The following BABAM2 variants were observed in gnomAD, a reference collection of about 807,000 sequenced individuals.
BABAM2 encodes the protein BRISC and BRCA1 A complex member 2, also known as BRISC and BRCA1-A complex member 2.
BABAM2 carries 31 observed loss-of-function variants against 54.7 expected under a neutral mutation model. The ratio of observed to expected loss-of-function variants is 0.57; its 90% CI spans 0.43 to 0.77. The LOEUF (loss-of-function observed/expected upper bound fraction) is 0.77. BABAM2 is among the 30% of genes least tolerant of loss of function. The pLI is 0.00. For synonymous variants in BABAM2, 167 were observed against 162.9 expected, an observed-to-expected ratio of 1.03 and a Z score of -0.19; for missense variants, 364 against 455.8, an observed-to-expected ratio of 0.80 and a Z score of 1.83.
chr2:28,067,212 G>A lies in BABAM2; in HGVS notation c.570+21413G>A, dbSNP rs529692370. ...CTCCCACAGTGCTGGGATTACAGGC[G>A]TGAGCCACTGCGCGTGGCCCTTGTG... On this transcript the variant is annotated intron_variant, in intron 6 of 11. Transcript: ENST00000379624. 5.1e-4 allele frequency among the ~76,000 whole-genome samples: 77 copies of A among 152,334 alleles called. No homozygotes were observed. In the South Asian group the frequency reaches 8.9e-3, roughly 18 times the overall value.
intron 11 of BABAM2, among the ~76,000 whole-genome samples, chr2:28,327,843 GCAAGCTTAGACCC>G (rs1690609695): frequency 6.6e-6 from 1 of 152,158 alleles, no homozygotes. Flanking sequence ...TCCTTGTTTT[GCAAGCTTAGACCC>G]CCTGAAAACA....
At chr2:27,923,660 A>T (rs1667485723) in intron 2 of BABAM2, among the ~76,000 whole-genome samples, 1 of 151,670 alleles carries the variant, frequency 6.6e-6, no homozygotes, top group Admixed American at 6.6e-5. Context: ...GTTCATGTTC[A>T]TTATAAAAAT....
intron 10 of BABAM2, among the ~76,000 whole-genome samples, chr2:28,293,580 C>G (rs1687459767): frequency 6.6e-6 from 1 of 152,236 alleles, no homozygotes; most frequent in Non-Finnish European, 1.5e-5. Flanking sequence ...CAGAGTGAGG[C>G]AACCGGTGCA....
At chr2:28,314,293 C>T (rs1689329704) in intron 11 of BABAM2, among the ~76,000 whole-genome samples, 1 of 152,156 alleles carries the variant, frequency 6.6e-6, no homozygotes, top group African/African-American at 2.4e-5. Flanking sequence ...GAAATTGAGA[C>T]CCTGCAAAAG....
chr2:28,018,801 C>A (rs1675038080), intron 4 of BABAM2, among the ~76,000 whole-genome samples: 1 of 152,062 alleles, frequency 6.6e-6, no homozygotes, highest in African/African-American at 2.4e-5. Flanking sequence ...TGTATATCTT[C>A]TTTTGAGAAT....
chr2:28,078,795 T>C (rs1664915998), intron 6 of BABAM2, among the ~76,000 whole-genome samples: 1 of 152,184 alleles, frequency 6.6e-6, no homozygotes, highest in Non-Finnish European at 1.5e-5. Flanking sequence ...AAGTCTGGCA[T>C]TCAGAAGAGA....
chr2:28,086,261 A>T (rs1426914120), intron 6 of BABAM2, among the ~76,000 whole-genome samples: 1 of 152,246 alleles, frequency 6.6e-6, no homozygotes, highest in Non-Finnish European at 1.5e-5. Flanking sequence ...TAACACATTT[A>T]CACAACTTCC....
Position 28,026,897 on chromosome 2 carries a change from A to AATATATATATATATTAATATATATAAAT in BABAM2, c.495+1486_495+1487insTATATTAATATATATAAATATATATATA, listed in dbSNP as rs1274431507. ...ATTTATATATATATAGATATATATA[A>AATATATATATATATTAATATATATAAAT]ATATATATAAATATATATTAATATA... On this transcript the variant is annotated intron_variant, in intron 5 of 11. Transcript: ENST00000379624. Among the ~76,000 whole-genome samples, 15 of 20,576 alleles carry AATATATATATATATTAATATATATAAAT rather than the reference A, an allele frequency of 7.3e-4. 3 individuals carry two copies. The highest frequency in any genetic ancestry group is 2.0e-3 in the African/African-American group (15 of 7,646). The allele number at this position is 20,576 out of a possible 152,430, so 13.5% of individuals were successfully genotyped here.
At chr2:28,015,665 G>A in intron 4 of BABAM2, 1 of 760,306 alleles carries the variant, frequency 1.3e-6, no homozygotes, top group Non-Finnish European at 1.8e-6. Flanking sequence ...ATGCATTTTA[G>A]TAAATATGTT....
intron 4 of BABAM2, among the ~76,000 whole-genome samples, chr2:28,013,874 CA>C (rs1674601828): frequency 6.6e-6 from 1 of 151,890 alleles, no homozygotes; most frequent in African/African-American, 2.4e-5. Context: ...AAAAACTCCC[CA>C]AAACAGTTGA....
intron 8 of BABAM2, among the ~76,000 whole-genome samples, chr2:28,239,296 G>T (rs893480820): frequency 6.6e-6 from 1 of 152,202 alleles, no homozygotes; most frequent in Non-Finnish European, 1.5e-5. Context: ...TACCAATTGT[G>T]TCAAGGTTAT....
At chr2:28,231,360 G>A (rs1681367399) in intron 7 of BABAM2, among the ~76,000 whole-genome samples, 1 of 152,084 alleles carries the variant, frequency 6.6e-6, no homozygotes, top group Non-Finnish European at 1.5e-5. Flanking sequence ...ACTTATCGTT[G>A]GTACCCTAGT....
Position 28,241,412 on chromosome 2 carries a change from G to T in BABAM2, c.851+19G>T. 1 of 1,609,490 alleles carries T rather than the reference G, an allele frequency of 6.2e-7. No homozygotes were observed. On this transcript the variant is annotated intron_variant, in intron 9 of 11. Coordinates refer to ENST00000379624, the MANE Select transcript of BABAM2 (RefSeq NM_199191.3). ...TTGGCACGTAAGTTCTGCCCTGTTT[G>T]AACGATATACCGGTGATGCCCTCGC... is the stretch of plus-strand genomic sequence containing the variant.
intron 7 of BABAM2, among the ~76,000 whole-genome samples, chr2:28,230,541 T>G (rs1573890721): frequency 7.2e-6 from 1 of 139,150 alleles, no homozygotes; most frequent in African/African-American, 2.7e-5. Flanking sequence ...ATGGTGAAAC[T>G]CCTTCCCTAC....
rs113128905 is a variant in BABAM2 at position 28,256,942 on chromosome 2, A to G, written c.934+12080A>G. Among the ~76,000 whole-genome samples, 1,091 of 152,016 alleles carry G rather than the reference A, an allele frequency of 7.2e-3. 11 individuals carry two copies. The highest frequency in any genetic ancestry group is 0.024 in the African/African-American group (1,016 of 41,472). The stretch of plus-strand genomic sequence containing the variant: ...AATCCTGACCTCAGGTGATCCACCC[A>G]CCTCGGCCTCCCAAAGTGCTGGGAT... On this transcript the variant is annotated intron_variant, in intron 10 of 11. Transcript: ENST00000379624.
intron 10 of BABAM2, among the ~76,000 whole-genome samples, chr2:28,273,332 C>G (rs1173922717): frequency 6.6e-6 from 1 of 152,202 alleles, no homozygotes; most frequent in Non-Finnish European, 1.5e-5. Flanking sequence ...CTGAGCACCT[C>G]CTGCCTTTCT....
intron 7 of BABAM2, among the ~76,000 whole-genome samples, chr2:28,164,788 A>G (rs573512651): frequency 6.6e-6 from 1 of 151,928 alleles, no homozygotes; most frequent in Non-Finnish European, 1.5e-5. Context: ...TTAAAAATCC[A>G]TTTCCTTTTT....
intron 4 of BABAM2, among the ~76,000 whole-genome samples, chr2:28,014,692 C>T (rs1317685261): frequency 7.0e-6 from 1 of 142,364 alleles, no homozygotes; most frequent in East Asian, 2.2e-4. Flanking sequence ...TAAATCAAAA[C>T]CCTGCATTTT....
At chr2:28,141,705 C>G (rs769870353) in intron 7 of BABAM2, among the ~76,000 whole-genome samples, 3 of 152,182 alleles carry the variant, frequency 2.0e-5, no homozygotes, top group Non-Finnish European at 2.9e-5. Context: ...GTTCACAGCA[C>G]TGGTCCTTCC....
Sources: allele counts gnomAD v4.1 joint callset (sites outside exome capture counted in the v4.1 genomes callset), GRCh38; gene constraint gnomAD v4.1.1; transcripts MANE v1.5; gene names NCBI Gene and HGNC (gene_info 2026-07-23, HGNC 2026-07-21).